The following GRN variants were observed in gnomAD, a reference collection of about 807,000 sequenced individuals.
The protein encoded by GRN is progranulin.
Under a neutral mutation model 66.7 loss-of-function variants are expected in GRN, and 30 were observed. The ratio of observed to expected loss-of-function variants is 0.45; its 90% CI spans 0.34 to 0.61. GRN has a LOEUF of 0.61. Among genes scored for constraint, GRN ranks in the 20% least tolerant of loss-of-function variants. GRN has a pLI of 0.01. For missense variants in GRN, 731 were observed against 803.5 expected (o/e 0.91, Z 1.09); for synonymous variants, 327 against 311.1 (o/e 1.05, Z -0.54).
intron 10 of GRN, 26 bp downstream of exon 10, chr17:44,351,821 GC>G (rs1567887805): frequency 6.2e-7 from 1 of 1,609,260 alleles, no homozygotes; most frequent in Admixed American, 1.7e-5. Flanking sequence ...CAGCATCTTG[GC>G]CTGGGCAGGT....
Position 44,351,174 on chromosome 17 carries a change from C to A in GRN, c.835+11C>A, listed in dbSNP as rs760586487. On this transcript the variant is annotated intron_variant, in intron 8 of 12. Transcript: ENST00000053867. Reference sequence around the variant, plus strand: ...TGCCTGCGCACACAGGTACCAGAGGCAGGGTGCAGATACAGGGGTGGGGCC... The same window carrying A: ...TGCCTGCGCACACAGGTACCAGAGGAAGGGTGCAGATACAGGGGTGGGGCC... The A allele has an allele frequency of 1.2e-6, 2 of 1,614,102 alleles. No individual in the cohort carries two copies. Among genetic ancestry groups the A allele is most frequent in the East Asian group, 4.5e-5 (2 of 44,880 alleles).
intron 7 of GRN, 28 bp downstream of exon 7, chr17:44,350,828 C>CT: frequency 6.4e-7 from 1 of 1,556,592 alleles, no homozygotes; most frequent in Non-Finnish European, 8.9e-7. Flanking sequence ...GCCAGCTTGG[C>CT]TGTGTGCCCC....
intron 3 of GRN, 52 bp downstream of exon 3, chr17:44,349,603 TC>T: frequency 6.2e-7 from 1 of 1,612,984 alleles, no homozygotes; most frequent in Non-Finnish European, 8.5e-7. Flanking sequence ...TTTATGCTTT[TC>T]CTGCACTCTA....
chr17:44,349,969 G>A (rs2048356446), intron 4 of GRN: 2 of 639,312 alleles, frequency 3.1e-6, no homozygotes, highest in African/African-American at 1.8e-5. Flanking sequence ...GCGTTGTGGG[G>A]GTGGGGAGAG....
At position 44,350,754 on chromosome 17, in the gene GRN, G is replaced by C. The variant is rs758322775; in HGVS notation, c.662G>C (p.Cys221Ser). Residue 221 changes from cysteine to serine, a missense_variant, in exon 7 of 13, where the codon TGC becomes TCC. Physicochemically the swap from Cys to Ser is moderately radical, Grantham distance 112. This residue lies in a region of GRN where 370 missense variants were observed against 379.8 expected (regional missense o/e 0.97). Coordinates refer to ENST00000053867, the MANE Select transcript of GRN (RefSeq NM_002087.4). ...ARSRCPDGST[C>S]CELPSGKYGC... ...TCCCGGTGCCCTGATGGTTCTACCT[G>C]CTGTGAGCTGCCCAGTGGGAAGTAT... 120 of 1,614,030 alleles carry C rather than the reference G, an allele frequency of 7.4e-5. No individual in the cohort carries two copies. The East Asian group carries it at 2.7e-3, about 36-fold the overall frequency.
At position 44,351,105 on chromosome 17, in the gene GRN, G is replaced by C. The variant is rs753580360; in HGVS notation, c.777G>C (p.Lys259Asn). 14 of 1,613,982 alleles carry C rather than the reference G, an allele frequency of 8.7e-6. No individual in the cohort carries two copies. The highest frequency in any genetic ancestry group is 1.2e-5 in the Non-Finnish European group (14 of 1,179,984). ...QDTVCDLIQS[K>N]CLSKENATTD... The stretch of plus-strand genomic sequence containing the variant: ...CTGTGTGTGACCTGATCCAGAGTAA[G>C]TGCCTCTCCAAGGAGAACGCTACCA... Residue 259 changes from lysine (K) to asparagine (N), a missense_variant, in exon 8 of 13, where the codon AAG becomes AAC. Lys to Asn is a moderately conservative substitution (Grantham distance 94, BLOSUM62 0). Around this residue, in one of 3 missense-constraint regions of GRN, gnomAD observed 370 missense variants for 379.8 expected, o/e 0.97. Coordinates refer to ENST00000053867, the MANE Select transcript of GRN (RefSeq NM_002087.4).
rs63750455 is a variant in GRN at position 44,350,790 on chromosome 17, C to A, written c.698C>A (p.Pro233Gln). The A allele has an allele frequency of 8.7e-6, 14 of 1,610,432 alleles. No individual in the cohort carries two copies. The African/African-American group carries it at 1.7e-4, about 20-fold the overall frequency. ...ELPSGKYGCCPMPNATCCSDH... is the reference protein window; with the variant it reads ...ELPSGKYGCCQMPNATCCSDH... ...CCCAGTGGGAAGTATGGCTGCTGCC[C>A]AATGCCCAACGTGAGTGAGGGGCTG... Residue 233 changes from proline (P) to glutamine (Q), a missense_variant, in exon 7 of 13, where the codon CCA becomes CAA. This residue lies in a region of GRN where 370 missense variants were observed against 379.8 expected (regional missense o/e 0.97). Transcript: ENST00000053867.
At position 44,352,098 on chromosome 17, in the gene GRN, G is replaced by A; in HGVS notation, c.1263G>A (p.Glu421=). 1.2e-6 allele frequency: 2 copies of A among 1,613,960 alleles called. No homozygotes were observed. Among genetic ancestry groups the A allele is most frequent in the Non-Finnish European group, 1.7e-6 (2 of 1,179,988 alleles). ...AGGGGCAGTGTCAGCGAGGAAGCGA[G>A]ATCGTGGCTGGACTGGAGAAGATGC... ...VAEGQCQRGS[E]IVAGLEKMPA... The change falls in exon 11 of 13, where the codon GAG becomes GAA. Residue 421 remains glutamate, a synonymous_variant. Coordinates refer to ENST00000053867, the MANE Select transcript of GRN (RefSeq NM_002087.4).
In GRN at chr17:44,352,181, G is replaced by A. The variant is rs765116273; in HGVS notation, c.1346G>A (p.Ser449Asn). The A allele has an allele frequency of 1.9e-6, 3 of 1,613,534 alleles. No homozygotes were observed. Among genetic ancestry groups the A allele is most frequent in the African/African-American group, 1.3e-5 (1 of 75,048 alleles). ...PRDIGCDQHTSCPVGQTCCPS... is the reference protein window; with the variant it reads ...PRDIGCDQHTNCPVGQTCCPS... ...GACATCGGCTGTGACCAGCACACCA[G>A]CTGCCCGGTGGGGCAGACCTGCTGC... is the stretch of plus-strand genomic sequence containing the variant. Residue 449 changes from serine to asparagine, a missense_variant, in exon 11 of 13, where the codon AGC (serine) becomes AAC (asparagine). Coordinates refer to ENST00000053867, the MANE Select transcript of GRN (RefSeq NM_002087.4).
At chr17:44,351,244 G>A in intron 8 of GRN, 81 bp downstream of exon 8, 2 of 1,568,364 alleles carry the variant, frequency 1.3e-6, no homozygotes, top group South Asian at 1.1e-5. Context: ...ACTGCAAGGT[G>A]GTGTAAGCGG....
At chr17:44,350,384 G>T in intron 5 of GRN, 44 bp downstream of exon 5, 2 of 1,551,750 alleles carry the variant, frequency 1.3e-6, no homozygotes, top group Non-Finnish European at 1.8e-6. Flanking sequence ...GGAAGTGGGG[G>T]CAGAGTTGGG....
At chr17:44,349,078 G>A in intron 1 of GRN, 80 bp from the exon 2 acceptor site, 1 of 1,489,052 alleles carries the variant, frequency 6.7e-7, no homozygotes, top group East Asian at 2.3e-5. Flanking sequence ...CCTTGGCCTG[G>A]GGCTAGGGTA....
chr17:44,350,171 T>A, intron 4 of GRN, 57 bp from the exon 5 acceptor site: 1 of 1,111,768 alleles, frequency 9.0e-7, no homozygotes, highest in Non-Finnish European at 1.3e-6. Flanking sequence ...CCTTGTGTGA[T>A]GGGGGAGTCA....
chr17:44,352,730 T>C lies in GRN; in HGVS notation c.1714T>C (p.Cys572Arg), dbSNP rs2048391005. The change falls in exon 13 of 13, where the codon TGT becomes CGT. Residue 572 changes from cysteine (C) to arginine (R), a missense_variant. Physicochemically the swap from Cys to Arg is radical, Grantham distance 180 (BLOSUM62 -3). This residue lies in a region of GRN where 319 missense variants were observed against 347.2 expected (regional missense o/e 0.92). Transcript: ENST00000053867. ...CCGCTGCGCAGCCAGGGGTACCAAG[T>C]GTTTGCGCAGGGAGGCCCCGCGCTG... The part of the protein sequence containing the change: ...GFRCAARGTK[C>R]LRREAPRWDA... 6.2e-7 allele frequency: 1 copy of C among 1,611,652 alleles called. No individual in the cohort carries two copies. Among genetic ancestry groups the C allele is most frequent in the East Asian group, 2.2e-5 (1 of 44,876 alleles).
In GRN at chr17:44,351,676, C is replaced by T. The variant is rs760023690; in HGVS notation, c.1060C>T (p.Leu354=). Residue 354 remains leucine (L), a synonymous_variant, in exon 10 of 13, where the codon CTG becomes TTG. Transcript: ENST00000053867. The part of the protein sequence containing the change: ...WMEKAPAHLS[L]PDPQALKRDV... Reference sequence around the variant, plus strand: ...GGAGAAGGCCCCAGCTCACCTCAGCCTGCCAGACCCACAAGCCTTGAAGAG... The same window carrying T: ...GGAGAAGGCCCCAGCTCACCTCAGCTTGCCAGACCCACAAGCCTTGAAGAG... 13 of 1,614,068 alleles carry T rather than the reference C, an allele frequency of 8.1e-6. 1 individual carries two copies. Among genetic ancestry groups the T allele is most frequent in the South Asian group, 7.7e-5 (7 of 91,086 alleles).
Position 44,349,763 on chromosome 17 carries a change from G to A in GRN, c.349+12G>A, listed in dbSNP as rs367640963. On this transcript the variant is annotated intron_variant, in intron 4 of 12. Coordinates refer to ENST00000053867, the MANE Select transcript of GRN (RefSeq NM_002087.4). The stretch of plus-strand genomic sequence containing the variant: ...CTTCCAAAGATCAGGTGCAGCTGGG[G>A]TGTGGGTGCAGGGCAGGCAGACGGG... 1 of 1,575,654 alleles carries A rather than the reference G, an allele frequency of 6.3e-7. No homozygotes were observed. Among genetic ancestry groups the A allele is most frequent in the South Asian group, 1.1e-5 (1 of 90,262 alleles).
chr17:44,352,314 G>T, intron 11 of GRN, 27 bp from the exon 12 acceptor site: 1 of 1,607,470 alleles, frequency 6.2e-7, no homozygotes. Context: ...GGAACATAAT[G>T]CCATTCTGTG....
At position 44,351,704 on chromosome 17, in the gene GRN, A is replaced by G; in HGVS notation, c.1088A>G (p.Asp363Gly). 1 of 1,613,874 alleles carries G rather than the reference A, an allele frequency of 6.2e-7. No homozygotes were observed. Among genetic ancestry groups the G allele is most frequent in the Non-Finnish European group, 8.5e-7 (1 of 1,179,946 alleles). Residue 363 changes from aspartate to glycine, a missense_variant, in exon 10 of 13, where the codon GAT becomes GGT. Coordinates refer to ENST00000053867, the MANE Select transcript of GRN (RefSeq NM_002087.4). Reference sequence around the variant, plus strand: ...CCAGACCCACAAGCCTTGAAGAGAGATGTCCCCTGTGATAATGTCAGCAGC... The same window carrying G: ...CCAGACCCACAAGCCTTGAAGAGAGGTGTCCCCTGTGATAATGTCAGCAGC... ...SLPDPQALKR[D>G]VPCDNVSSCP...
At chr17:44,349,378 G>A in intron 2 of GRN, 48 bp from the exon 3 acceptor site, 1 of 1,614,142 alleles carries the variant, frequency 6.2e-7, no homozygotes, top group Non-Finnish European at 8.5e-7. Flanking sequence ...GGCCAGAGGA[G>A]GACGCCAGGC....
Sources: allele counts gnomAD v4.1 joint callset, GRCh38; gene constraint gnomAD v4.1.1; regional missense constraint gnomAD v4.1.1; transcripts MANE v1.5; gene names NCBI Gene and HGNC (gene_info 2026-07-23, HGNC 2026-07-21).